GAB1: variants seen among roughly 807,000 people sequenced by gnomAD.
GAB1 encodes the protein GRB2 associated binding protein 1, also known as GRB2-associated-binding protein 1.
Under a neutral mutation model 66.5 loss-of-function variants are expected in GAB1, and 19 were observed. That is an observed-to-expected ratio of 0.29 (90% CI 0.20 to 0.42). The LOEUF (loss-of-function observed/expected upper bound fraction) is 0.42, where lower values mean the gene tolerates loss of function less well. Ranked by LOEUF, GAB1 falls within the 10% of genes least tolerant of loss-of-function variation. GAB1 has a pLI of 1.00. For missense variants in GAB1, 732 were observed against 858.5 expected, an observed-to-expected ratio of 0.85 and a Z score of 1.84; for synonymous variants, 294 against 301.4, an observed-to-expected ratio of 0.98 and a Z score of 0.25.
chr4:143,414,721 T>G (rs185398476), intron 1 of GAB1, among the ~76,000 whole-genome samples: 1 of 152,218 alleles, frequency 6.6e-6, no homozygotes, highest in African/African-American at 2.4e-5. Flanking sequence ...AGGAGTCTTA[T>G]GAAGAAGCAG....
chr4:143,429,556 T>C (rs1376999534), intron 2 of GAB1, among the ~76,000 whole-genome samples: 2 of 152,128 alleles, frequency 1.3e-5, no homozygotes, highest in Non-Finnish European at 2.9e-5. Flanking sequence ...CCCAAGAACA[T>C]GTGGGTCCTG....
chr4:143,459,602 G>T, intron 7 of GAB1, 124 bp downstream of exon 7: 1 of 694,216 alleles, frequency 1.4e-6, no homozygotes, highest in East Asian at 2.7e-5. Flanking sequence ...CCCCTTTTTG[G>T]GGGTTCTGTG....
In GAB1 at chr4:143,415,558, C is replaced by T; in HGVS notation, c.154C>T (p.His52Tyr). The change falls in exon 2 of 10, where the codon CAT becomes TAT. Residue 52 changes from histidine (H) to tyrosine (Y), a missense_variant. Physicochemically the swap from His to Tyr is moderately conservative, Grantham distance 83. Coordinates refer to ENST00000262994, the MANE Select transcript of GAB1 (RefSeq NM_002039.4). ...PDVLEYYKNDHAKKPIRIIDL... is the reference protein window; with the variant it reads ...PDVLEYYKNDYAKKPIRIIDL... ...TGTTTTGGAATATTACAAAAATGAT[C>T]ATGCCAAGAAGCCTATTCGTATTAT... 1.2e-6 allele frequency: 2 copies of T among 1,613,128 alleles called. No homozygotes were observed. Among genetic ancestry groups the T allele is most frequent in the Non-Finnish European group, 1.7e-6 (2 of 1,179,130 alleles).
intron 1 of GAB1, among the ~76,000 whole-genome samples, chr4:143,340,876 T>C (rs1728802234): frequency 6.6e-6 from 1 of 152,192 alleles, no homozygotes; most frequent in African/African-American, 2.4e-5. Flanking sequence ...AGCTCCGTTT[T>C]ATGTTTACTG....
chr4:143,386,603 G>C (rs1457998526), intron 1 of GAB1, among the ~76,000 whole-genome samples: 1 of 152,104 alleles, frequency 6.6e-6, no homozygotes, highest in Non-Finnish European at 1.5e-5. Flanking sequence ...GCCCAGGCTA[G>C]TTTCAAACTT....
At chr4:143,466,364 A>C (rs928982185) in intron 9 of GAB1, 139 bp downstream of exon 9, 413 of 692,346 alleles carry the variant, frequency 6.0e-4, no homozygotes, top group East Asian at 1.1e-3. Flanking sequence ...ATGCTATCTC[A>C]TAAAACAAAA....
chr4:143,425,484 C>T (rs1200835991), intron 2 of GAB1: 2 of 761,354 alleles, frequency 2.6e-6, no homozygotes. Context: ...TACCATTGCT[C>T]TGTGTAACAC....
chr4:143,430,388 A>G (rs777927054), intron 2 of GAB1, among the ~76,000 whole-genome samples: 20 of 152,370 alleles, frequency 1.3e-4, no homozygotes, highest in Non-Finnish European at 2.4e-4. Context: ...ACATATATTA[A>G]TATTATTCCC....
intron 1 of GAB1, among the ~76,000 whole-genome samples, chr4:143,365,913 G>A (rs991624107): frequency 3.3e-5 from 5 of 152,134 alleles, no homozygotes; most frequent in African/African-American, 4.8e-5. Context: ...TGAACAATAA[G>A]CCATTTTTTT....
intron 1 of GAB1, chr4:143,349,564 G>A: frequency 1.3e-6 from 2 of 1,500,646 alleles, no homozygotes; most frequent in Non-Finnish European, 1.8e-6. Context: ...GCCCCTGGGT[G>A]CAGGGATGAG....
intron 1 of GAB1, among the ~76,000 whole-genome samples, chr4:143,379,550 C>T (rs1326604932): frequency 6.6e-6 from 1 of 152,130 alleles, no homozygotes; most frequent in African/African-American, 2.4e-5. Context: ...TCAGCCACCT[C>T]TGATTCCCTT....
chr4:143,464,330 G>A (rs1170847761), intron 8 of GAB1, among the ~76,000 whole-genome samples: 1 of 152,124 alleles, frequency 6.6e-6, no homozygotes. Context: ...CCGGGTTCAA[G>A]CGATTATCCT....
At chr4:143,421,300 G>A (rs571424422) in intron 2 of GAB1, among the ~76,000 whole-genome samples, 3 of 152,086 alleles carry the variant, frequency 2.0e-5, no homozygotes, top group Non-Finnish European at 4.4e-5. Flanking sequence ...ATCTATTCTA[G>A]TGTTGATTGA....
chr4:143,351,223 C>G (rs1489475074), intron 1 of GAB1, among the ~76,000 whole-genome samples: 1 of 152,150 alleles, frequency 6.6e-6, no homozygotes, highest in Admixed American at 6.5e-5. Context: ...CTTGGTGTAC[C>G]AGAAGAATTG....
chr4:143,447,423 A>G (rs1005106959), intron 6 of GAB1, among the ~76,000 whole-genome samples: 5 of 152,302 alleles, frequency 3.3e-5, no homozygotes, highest in Admixed American at 2.6e-4. Context: ...CTTCCTACCG[A>G]TGAGCATGGA....
intron 1 of GAB1, among the ~76,000 whole-genome samples, chr4:143,340,925 G>C (rs528987128): frequency 6.6e-6 from 1 of 152,238 alleles, no homozygotes; most frequent in East Asian, 1.9e-4. Flanking sequence ...TTTTGTACAC[G>C]CTAGTGTGTT....
chr4:143,403,723 C>T (rs1426426578), intron 1 of GAB1, among the ~76,000 whole-genome samples: 2 of 152,204 alleles, frequency 1.3e-5, no homozygotes, highest in East Asian at 3.8e-4. Context: ...TTTTATCTTG[C>T]ATTCAACCTT....
Position 143,379,892 on chromosome 4 carries a change from T to C in GAB1, c.73-35585T>C, listed in dbSNP as rs568429201. Among the ~76,000 whole-genome samples the C allele has an allele frequency of 5.9e-5, 9 of 151,854 alleles. No homozygotes were observed. The South Asian group carries it at 1.9e-3, about 32-fold the overall frequency. On this transcript the variant is annotated intron_variant, in intron 1 of 9. Coordinates refer to ENST00000262994, the MANE Select transcript of GAB1 (RefSeq NM_002039.4). ...GAGCCACTGTGCCTGGCCAGTAATATGTATTAAGTAAGGTAATTTGTAGGA... is the reference window on the plus strand; with the variant it reads ...GAGCCACTGTGCCTGGCCAGTAATACGTATTAAGTAAGGTAATTTGTAGGA...
chr4:143,435,234 C>G (rs981725975), intron 3 of GAB1, among the ~76,000 whole-genome samples: 1 of 152,014 alleles, frequency 6.6e-6, no homozygotes, highest in African/African-American at 2.4e-5. Flanking sequence ...CATATTCATT[C>G]CAAAGCTGGA....
Sources: gnomAD v4.1 joint callset for allele counts (sites outside exome capture counted in the v4.1 genomes callset) on GRCh38, gnomAD v4.1.1 for gene constraint, MANE v1.5 for transcripts, NCBI Gene and HGNC (gene_info 2026-07-23, HGNC 2026-07-21) for gene names.